Variants in KCNMA1 observed in about 807,000 individuals in gnomAD.
KCNMA1 encodes Calcium-activated potassium channel subunit alpha-1.
Under a neutral mutation model 140.0 loss-of-function variants are expected in KCNMA1, and 29 were observed. That is an observed-to-expected ratio of 0.21 (90% confidence interval 0.15 to 0.28). The LOEUF is 0.28. Among genes scored for constraint, KCNMA1 ranks in the 10% least tolerant of loss-of-function variants. The pLI, the probability that KCNMA1 is intolerant of heterozygous loss-of-function variation, is 1.00. For synonymous variants in KCNMA1, 612 were observed against 611.9 expected (o/e 1.00, Z 0.00); for missense variants, 880 against 1,602.2 (o/e 0.55, Z 7.70).
intron 5 of KCNMA1, among the ~76,000 whole-genome samples, chr10:77,161,694 C>T (rs181585693): frequency 9.8e-5 from 15 of 152,288 alleles, no homozygotes; most frequent in South Asian, 2.1e-4. Flanking sequence ...TTGTAGTCAA[C>T]GCATGGATAA....
At chr10:77,482,084 T>A (rs189451312) in intron 1 of KCNMA1, among the ~76,000 whole-genome samples, 2 of 152,230 alleles carry the variant, frequency 1.3e-5, no homozygotes, top group African/African-American at 2.4e-5. Flanking sequence ...AAGCAAAGAA[T>A]TCATAAGAAT....
chr10:76,899,974 A>T (rs1351076450), intron 25 of KCNMA1, among the ~76,000 whole-genome samples: 1 of 152,126 alleles, frequency 6.6e-6, no homozygotes, highest in Non-Finnish European at 1.5e-5. Context: ...TAGGGAAATT[A>T]ACTTTTTCTG....
At chr10:76,926,005 C>T (rs2057564261) in intron 23 of KCNMA1, among the ~76,000 whole-genome samples, 1 of 152,068 alleles carries the variant, frequency 6.6e-6, no homozygotes, top group Admixed American at 6.5e-5. Flanking sequence ...GTTGATGGTT[C>T]TTTAAAAGAA....
intron 19 of KCNMA1, chr10:76,980,661 C>T (rs1049698586): frequency 6.6e-6 from 1 of 152,196 alleles, no homozygotes; most frequent in Non-Finnish European, 1.5e-5. Flanking sequence ...GTGCCATTCT[C>T]CTGGGGCAGG....
chr10:76,954,436 C>T (rs771216347), intron 20 of KCNMA1, among the ~76,000 whole-genome samples: 5 of 152,208 alleles, frequency 3.3e-5, no homozygotes, highest in East Asian at 3.9e-4. Context: ...CAACTTCTGA[C>T]GTGATGCTCT....
chr10:77,341,329 A>C (rs287170), intron 2 of KCNMA1, among the ~76,000 whole-genome samples: 19 of 152,000 alleles, frequency 1.3e-4, no homozygotes, highest in African/African-American at 4.4e-4. Flanking sequence ...AAGTCCTTCT[A>C]TGAGCTTGTC....
In KCNMA1 at chr10:77,555,918, G is replaced by A. The variant is rs751429254; in HGVS notation, c.378+81347C>T. ...TGGATGAACTGTTACATCTTTGATC[G>A]TCACTACCTGAGAATTAACTTAGAC... On this transcript the variant is annotated intron_variant, in intron 1 of 27. Transcript: ENST00000286628. 7.9e-5 allele frequency among the ~76,000 whole-genome samples: 12 copies of A among 152,250 alleles called. No homozygotes were observed. The South Asian group carries it at 1.2e-3, about 16-fold the overall frequency.
At chr10:77,487,476 G>C (rs558839115) in intron 1 of KCNMA1, among the ~76,000 whole-genome samples, 4 of 152,292 alleles carry the variant, frequency 2.6e-5, no homozygotes, top group Admixed American at 2.6e-4. Context: ...AAGAGAGAGA[G>C]AGACACTATC....
chr10:77,330,988 T>C (rs548509632), intron 2 of KCNMA1, among the ~76,000 whole-genome samples: 9 of 152,254 alleles, frequency 5.9e-5, no homozygotes, highest in African/African-American at 2.2e-4. Context: ...ATTATTACTA[T>C]GGTTAGGGGA....
At chr10:77,448,029 G>C (rs993012196) in intron 1 of KCNMA1, among the ~76,000 whole-genome samples, 3 of 152,222 alleles carry the variant, frequency 2.0e-5, no homozygotes, top group African/African-American at 7.2e-5. Context: ...GGGATGTTCA[G>C]TGAATGCCCA....
rs372290113 is a variant in KCNMA1, at chr10:77,021,495, G to T, written c.1929-2396C>A. On this transcript the variant is annotated intron_variant, in intron 16 of 27. Transcript: ENST00000286628. Reference sequence around the variant, plus strand: ...CACTTTGTCCCTGCTGCTAATAAATGACCCAGGAGGTGCCCTATTGGCATT... The same window carrying T: ...CACTTTGTCCCTGCTGCTAATAAATTACCCAGGAGGTGCCCTATTGGCATT... 1.2e-4 allele frequency among the ~76,000 whole-genome samples: 19 copies of T among 152,322 alleles called. No homozygotes were observed. The East Asian group carries it at 2.9e-3, about 23-fold the overall frequency.
At chr10:77,352,801 C>T (rs571471244) in intron 2 of KCNMA1, among the ~76,000 whole-genome samples, 66 of 152,320 alleles carry the variant, frequency 4.3e-4, no homozygotes, top group African/African-American at 1.5e-3. Context: ...TCCCTCTGGG[C>T]AGTACTGTAG....
intron 2 of KCNMA1, among the ~76,000 whole-genome samples, chr10:77,393,000 C>A (rs1191095572): frequency 6.6e-6 from 1 of 152,210 alleles, no homozygotes; most frequent in Non-Finnish European, 1.5e-5. Context: ...CCAGGGAGAG[C>A]CCAGCCCGTT....
intron 20 of KCNMA1, among the ~76,000 whole-genome samples, chr10:76,958,784 A>C (rs1214561705): frequency 1.3e-5 from 2 of 152,124 alleles, no homozygotes; most frequent in Non-Finnish European, 2.9e-5. Flanking sequence ...CCAGACTTTC[A>C]TCTCAGACTT....
At chr10:77,373,167 A>G (rs1001294577) in intron 2 of KCNMA1, among the ~76,000 whole-genome samples, 3 of 152,254 alleles carry the variant, frequency 2.0e-5, no homozygotes, top group African/African-American at 7.2e-5. Context: ...TCCAGTGCCT[A>G]TGTAAACTCA....
At chr10:77,410,564 T>A (rs779853250) in intron 1 of KCNMA1, among the ~76,000 whole-genome samples, 10 of 152,234 alleles carry the variant, frequency 6.6e-5, no homozygotes, top group Non-Finnish European at 1.0e-4. Context: ...AAAAATACTT[T>A]TCAAAAATGT....
At chr10:77,127,566 TAGGAAGGA>T (rs72447373) in intron 5 of KCNMA1, among the ~76,000 whole-genome samples, 1 of 150,536 alleles carries the variant, frequency 6.6e-6, no homozygotes, top group African/African-American at 2.5e-5. Flanking sequence ...ATAGAGAAAA[TAGGAAGGA>T]AGGAAGGAAG....
chr10:77,515,889 C>A (rs545947917), intron 1 of KCNMA1, among the ~76,000 whole-genome samples: 27 of 152,300 alleles, frequency 1.8e-4, no homozygotes, highest in Admixed American at 5.2e-4. Flanking sequence ...ACACAACTTC[C>A]AGGCACTTGA....
chr10:77,503,436 T>C (rs1350079945), intron 1 of KCNMA1, among the ~76,000 whole-genome samples: 1 of 152,188 alleles, frequency 6.6e-6, no homozygotes, highest in East Asian at 1.9e-4. Context: ...GATACATCTA[T>C]ATGTTGGGAT....
Sources: allele counts gnomAD v4.1 joint callset (sites outside exome capture counted in the v4.1 genomes callset), GRCh38; gene constraint gnomAD v4.1.1; transcripts MANE v1.5; gene names NCBI Gene and HGNC (gene_info 2026-07-23, HGNC 2026-07-21).